The following CACNB2 variants were observed in gnomAD, a reference collection of about 807,000 sequenced individuals.
CACNB2 encodes calcium voltage-gated channel auxiliary subunit beta 2, also known as voltage-dependent L-type calcium channel subunit beta-2.
A neutral mutation model predicts 73.3 loss-of-function variants in CACNB2; 42 were observed. The ratio of observed to expected loss-of-function variants is 0.57; its 90% CI spans 0.45 to 0.74. The LOEUF (loss-of-function observed/expected upper bound fraction) is 0.74, where lower values mean the gene tolerates loss of function less well. Among genes scored for constraint, CACNB2 ranks in the 30% least tolerant of loss-of-function variants. The pLI is 0.00. For synonymous variants in CACNB2, 348 were observed against 310.3 expected (o/e 1.12, Z -1.28); for missense variants, 940 against 853.0 (o/e 1.10, Z -1.27).
At chr10:18,271,337 A>G (rs2038046431) in intron 2 of CACNB2, among the ~76,000 whole-genome samples, 1 of 152,248 alleles carries the variant, frequency 6.6e-6, no homozygotes, top group Non-Finnish European at 1.5e-5. Flanking sequence ...ACTGAAGTGC[A>G]GAGGAGATCT....
intron 3 of CACNB2, among the ~76,000 whole-genome samples, chr10:18,483,447 C>A (rs2132864950): frequency 6.7e-6 from 1 of 150,286 alleles, no homozygotes; most frequent in Non-Finnish European, 1.5e-5. Context: ...AGGAGAATCG[C>A]TTGAACCCGG....
chr10:18,418,364 A>G (rs1293397029), intron 3 of CACNB2, among the ~76,000 whole-genome samples: 6 of 152,230 alleles, frequency 3.9e-5, no homozygotes. Flanking sequence ...GAATCGCACA[A>G]TCCGCTGTCA....
At chr10:18,418,956 C>G (rs1442078876) in intron 3 of CACNB2, among the ~76,000 whole-genome samples, 2 of 152,192 alleles carry the variant, frequency 1.3e-5, no homozygotes, top group Non-Finnish European at 2.9e-5. Context: ...GTAATCATCC[C>G]TGAATGAAAT....
chr10:18,537,557 A>G (rs779564156), intron 12 of CACNB2, among the ~76,000 whole-genome samples: 26 of 151,938 alleles, frequency 1.7e-4, no homozygotes, highest in African/African-American at 2.4e-5. Flanking sequence ...CGGGTGAATC[A>G]CTTGAGGCCA....
chr10:18,523,415 G>A (rs1263806965), intron 9 of CACNB2, among the ~76,000 whole-genome samples: 3 of 152,206 alleles, frequency 2.0e-5, no homozygotes, highest in Non-Finnish European at 2.9e-5. Context: ...ACCCATGTTC[G>A]AGTGTATCAG....
intron 3 of CACNB2, among the ~76,000 whole-genome samples, chr10:18,403,640 G>A (rs138939253): frequency 6.6e-6 from 1 of 151,408 alleles, no homozygotes; most frequent in Non-Finnish European, 1.5e-5. Context: ...TTGCTGCAAA[G>A]AACTTTTAAA....
chr10:18,346,280 C>T (rs1445415161), intron 2 of CACNB2, among the ~76,000 whole-genome samples: 2 of 152,128 alleles, frequency 1.3e-5, no homozygotes, highest in Non-Finnish European at 2.9e-5. Flanking sequence ...GCTGGGATTA[C>T]AGGTGCCCGC....
chr10:18,429,969 AC>A (rs2045802953), intron 3 of CACNB2, among the ~76,000 whole-genome samples: 1 of 152,130 alleles, frequency 6.6e-6, no homozygotes, highest in Non-Finnish European at 1.5e-5. Context: ...ACACAGAAAG[AC>A]CCTGTCTCAA....
chr10:18,163,095 A>G (rs2032590652), intron 2 of CACNB2, among the ~76,000 whole-genome samples: 1 of 152,178 alleles, frequency 6.6e-6, no homozygotes, highest in Non-Finnish European at 1.5e-5. Context: ...CAGCATACAC[A>G]GAGGTCGAAG....
chr10:18,201,100 C>G (rs2034858656), intron 2 of CACNB2, among the ~76,000 whole-genome samples: 1 of 152,038 alleles, frequency 6.6e-6, no homozygotes, highest in Admixed American at 6.6e-5. Flanking sequence ...TTGTGTATTT[C>G]TTAATAACTT....
At chr10:18,175,367 C>T (rs901683864) in intron 2 of CACNB2, among the ~76,000 whole-genome samples, 2 of 152,142 alleles carry the variant, frequency 1.3e-5, no homozygotes, top group African/African-American at 4.8e-5. Context: ...CTTTTTGCTA[C>T]TAGTTTACTT....
intron 2 of CACNB2, among the ~76,000 whole-genome samples, chr10:18,355,386 G>A (rs866748390): frequency 1.4e-4 from 21 of 152,102 alleles, no homozygotes; most frequent in African/African-American, 4.3e-4. Context: ...ATGTATCGTC[G>A]TTTTTTTAAA....
intron 2 of CACNB2, among the ~76,000 whole-genome samples, chr10:18,338,484 A>C (rs184937333): frequency 5.1e-4 from 77 of 152,294 alleles, no homozygotes; most frequent in Non-Finnish European, 1.0e-3. Flanking sequence ...TAAAGTTCCA[A>C]AACTTGATTT....
chr10:18,407,226 ATT>A (rs1486022356), intron 3 of CACNB2, among the ~76,000 whole-genome samples: 1 of 142,652 alleles, frequency 7.0e-6, no homozygotes, highest in Non-Finnish European at 1.5e-5. Context: ...GGTTCAAGCG[ATT>A]CTCACACCTC....
At chr10:18,191,203 A>G (rs963910109) in intron 2 of CACNB2, among the ~76,000 whole-genome samples, 1 of 152,232 alleles carries the variant, frequency 6.6e-6, no homozygotes, top group Admixed American at 6.5e-5. Context: ...TCCTTTGACA[A>G]TTGGAATAAC....
At chr10:18,375,790 T>C (rs542826181) in intron 2 of CACNB2, among the ~76,000 whole-genome samples, 1 of 152,294 alleles carries the variant, frequency 6.6e-6, no homozygotes, top group East Asian at 1.9e-4. Flanking sequence ...AGTTTGTTGA[T>C]ACGCTGAAAA....
chr10:18,178,927 T>C (rs895879559), intron 2 of CACNB2, among the ~76,000 whole-genome samples: 1 of 151,974 alleles, frequency 6.6e-6, no homozygotes, highest in Non-Finnish European at 1.5e-5. Context: ...AGGGTGGAGG[T>C]TGAGGATAGC....
intron 3 of CACNB2, among the ~76,000 whole-genome samples, chr10:18,404,779 A>G (rs1404637135): frequency 6.6e-6 from 1 of 152,234 alleles, no homozygotes; most frequent in African/African-American, 2.4e-5. Flanking sequence ...ACTGTCTTTT[A>G]AAATTTAAGT....
At chr10:18,293,804 G>A (rs1421610128) in intron 2 of CACNB2, among the ~76,000 whole-genome samples, 2 of 152,190 alleles carry the variant, frequency 1.3e-5, no homozygotes, top group Non-Finnish European at 2.9e-5. Context: ...GGTGTGTGCT[G>A]ATTATGCAGT....
Sources: gnomAD v4.1 joint callset for allele counts (sites outside exome capture counted in the v4.1 genomes callset) on GRCh38, gnomAD v4.1.1 for gene constraint, MANE v1.5 for transcripts, NCBI Gene and HGNC (gene_info 2026-07-23, HGNC 2026-07-21) for gene names.